ADCY10: variants seen among roughly 807,000 people sequenced by gnomAD.
ADCY10 encodes the protein adenylate cyclase 10.
Under a neutral mutation model 183.3 loss-of-function variants are expected in ADCY10, and 156 were observed. The ratio of observed to expected loss-of-function variants is 0.85; its 90% confidence interval spans 0.75 to 0.97. The LOEUF (loss-of-function observed/expected upper bound fraction) is 0.97. Among genes scored for constraint, ADCY10 ranks in the 50% least tolerant of loss-of-function variants. The pLI is 0.00. For missense variants in ADCY10, 1,745 were observed against 1,934.3 expected (o/e 0.90, Z 1.84); for synonymous variants, 645 against 670.0 (o/e 0.96, Z 0.58).
intron 29 of ADCY10, among the ~76,000 whole-genome samples, chr1:167,822,493 T>G (rs771940579): frequency 6.6e-5 from 10 of 152,290 alleles, no homozygotes; most frequent in Non-Finnish European, 1.3e-4. Flanking sequence ...CAAGATCACA[T>G]GTGGGGAAAA....
At chr1:167,895,319 C>CTT (rs771773398) in intron 7 of ADCY10, among the ~76,000 whole-genome samples, 2 of 152,078 alleles carry the variant, frequency 1.3e-5, no homozygotes, top group South Asian at 2.1e-4. Context: ...TGTCATGAGG[C>CTT]TTTCTCCTTC....
Position 167,836,214 on chromosome 1 carries a change from G to A in ADCY10, c.3309+95C>T, listed in dbSNP as rs879705297. 47 of 805,886 alleles carry A rather than the reference G, an allele frequency of 5.8e-5. 1 individual carries two copies. The highest frequency in any genetic ancestry group is 3.6e-4 in the Admixed American group (18 of 50,550). 49.9% of individuals were successfully genotyped at this position (805,886 alleles called of 1,614,324 possible). On this transcript the variant is annotated intron_variant, in intron 23 of 32. Coordinates refer to ENST00000367851, the MANE Select transcript of ADCY10 (RefSeq NM_018417.6). The stretch of plus-strand genomic sequence containing the variant: ...AGGGGTGCTGTCGGGAATATACAAC[G>A]TGAAGTAATCAGAAAGCATGCTGGA...
intron 1 of ADCY10, among the ~76,000 whole-genome samples, chr1:167,911,119 G>A (rs1006269863): frequency 2.0e-5 from 3 of 152,118 alleles, no homozygotes; most frequent in African/African-American, 2.4e-5. Context: ...GGCAATCACC[G>A]AAGGACAAAT....
At chr1:167,911,232 C>T (rs1338640052) in intron 1 of ADCY10, among the ~76,000 whole-genome samples, 2 of 152,234 alleles carry the variant, frequency 1.3e-5, no homozygotes, top group African/African-American at 4.8e-5. Flanking sequence ...GTAGAGGTTC[C>T]TCTTCAAAGA....
At chr1:167,848,888 C>T (rs1488678168) in intron 18 of ADCY10, among the ~76,000 whole-genome samples, 1 of 152,056 alleles carries the variant, frequency 6.6e-6, no homozygotes, top group Non-Finnish European at 1.5e-5. Context: ...GATCTGCCTG[C>T]CTCGGCCTCC....
intron 6 of ADCY10, among the ~76,000 whole-genome samples, chr1:167,897,532 G>T (rs1446432929): frequency 0.12 from 6 of 52 alleles, no homozygotes; most frequent in African/African-American, 0.18. Flanking sequence ...TATATATAGA[G>T]AGAGAGAGAG....
intron 21 of ADCY10, among the ~76,000 whole-genome samples, chr1:167,842,388 T>C (rs1401909691): frequency 1.3e-5 from 2 of 152,150 alleles, no homozygotes; most frequent in African/African-American, 4.8e-5. Context: ...GGCTTGAACC[T>C]GGCTTCAAGT....
chr1:167,880,136 T>A lies in ADCY10; in HGVS notation c.1195A>T (p.Thr399Ser), dbSNP rs777771367. The A allele has an allele frequency of 6.2e-7, 1 of 1,613,008 alleles. No homozygotes were observed. The highest frequency in any genetic ancestry group is 8.5e-7 in the Non-Finnish European group (1 of 1,179,700). Residue 399 changes from threonine to serine, a missense_variant, in exon 11 of 33, where the codon ACT (threonine) becomes TCT (serine). Coordinates refer to ENST00000367851, the MANE Select transcript of ADCY10 (RefSeq NM_018417.6). ...GIVFCGIVGH[T>S]VRHEYTVIGQ... Reference sequence around the variant, plus strand: ...ACACCTGTGTACTCGTGTCTCACAGTGTGTCCAACGATCCCACAGAAGACA... The same window carrying A: ...ACACCTGTGTACTCGTGTCTCACAGAGTGTCCAACGATCCCACAGAAGACA...
chr1:167,878,720 A>G (rs1239816265), intron 11 of ADCY10, 85 bp from the exon 12 acceptor site: 10 of 1,377,226 alleles, frequency 7.3e-6, no homozygotes, highest in Non-Finnish European at 1.0e-5. Flanking sequence ...CCCAAATAGC[A>G]TTTTTACCCT....
intron 28 of ADCY10, among the ~76,000 whole-genome samples, chr1:167,824,236 T>G (rs956338895): frequency 2.0e-5 from 3 of 152,044 alleles, no homozygotes; most frequent in Non-Finnish European, 4.4e-5. Flanking sequence ...GGCAGGAGAA[T>G]TGTCTAAACC....
At chr1:167,896,147 T>A (rs1212822269) in intron 7 of ADCY10, among the ~76,000 whole-genome samples, 1 of 151,972 alleles carries the variant, frequency 6.6e-6, no homozygotes, top group Non-Finnish European at 1.5e-5. Flanking sequence ...AAGCTAGGTG[T>A]CAGCGGTGCA....
At chr1:167,887,022 C>T (rs1266655707) in intron 8 of ADCY10, among the ~76,000 whole-genome samples, 1 of 152,104 alleles carries the variant, frequency 6.6e-6, no homozygotes, top group African/African-American at 2.4e-5. Context: ...GTTAGAATGG[C>T]AATCATTAAA....
In ADCY10 at chr1:167,833,004, T is replaced by C. The variant is rs1318672374; in HGVS notation, c.3576A>G (p.Gln1192=). ...TCCCTTACCCTGGAGGTGGGCTCTC[T>C]TGGGCCTGCCGATTCACATAATGAA... The part of the protein sequence containing the change: ...RHFHYVNRQA[Q]ESPPPGKKRL... The change falls in exon 25 of 33, where the codon CAA becomes CAG. Residue 1192 remains glutamine, a synonymous_variant. Transcript: ENST00000367851. 6 of 1,613,876 alleles carry C rather than the reference T, an allele frequency of 3.7e-6. No homozygotes were observed. Among genetic ancestry groups the C allele is most frequent in the Non-Finnish European group, 5.1e-6 (6 of 1,179,956 alleles).
At position 167,900,264 on chromosome 1, in the gene ADCY10, C is replaced by T. The variant is rs1029986267; in HGVS notation, c.437-636G>A. On this transcript the variant is annotated intron_variant, in intron 5 of 32. Coordinates refer to ENST00000367851, the MANE Select transcript of ADCY10 (RefSeq NM_018417.6). The stretch of plus-strand genomic sequence containing the variant: ...ACAATCAATGTTTATTTTTTATCTT[C>T]GCTCTCTGCTATACTGATTTGTCAG... Among the ~76,000 whole-genome samples the T allele has an allele frequency of 8.5e-5, 13 of 152,098 alleles. No homozygotes were observed. In the East Asian group the frequency reaches 1.5e-3, roughly 18 times the overall value.
intron 8 of ADCY10, among the ~76,000 whole-genome samples, chr1:167,893,486 G>T (rs1028014569): frequency 6.6e-6 from 1 of 152,028 alleles, no homozygotes; most frequent in Non-Finnish European, 1.5e-5. Context: ...GGTGAGGCGG[G>T]CAGATTTCTT....
At chr1:167,839,564 C>T (rs1229476539) in intron 21 of ADCY10, among the ~76,000 whole-genome samples, 1 of 152,172 alleles carries the variant, frequency 6.6e-6, no homozygotes, top group Non-Finnish European at 1.5e-5. Flanking sequence ...GCAGCCAATA[C>T]TCATTCTAAT....
intron 26 of ADCY10, among the ~76,000 whole-genome samples, chr1:167,828,713 G>A (rs1035348112): frequency 3.3e-5 from 5 of 152,178 alleles, no homozygotes; most frequent in African/African-American, 1.2e-4. Context: ...TGTAATCCCA[G>A]CACTTTGGAA....
Position 167,840,367 on chromosome 1 carries a change from A to ACTTTTTTT in ADCY10, c.3008-3050_3008-3049insAAAAAAAG, listed in dbSNP as rs1553265464. Among the ~76,000 whole-genome samples the ACTTTTTTT allele has an allele frequency of 6.8e-3, 996 of 147,500 alleles. 6 individuals carry two copies. The highest frequency in any genetic ancestry group is 0.024 in the African/African-American group (929 of 39,476). On this transcript the variant is annotated intron_variant, in intron 21 of 32. Coordinates refer to ENST00000367851, the MANE Select transcript of ADCY10 (RefSeq NM_018417.6). ...TTGGGTGAATCATATTATTATTACT[A>ACTTTTTTT]TTTTTTTTGGATGGAGTTTCACTCT...
At chr1:167,842,217 G>C (rs1001780985) in intron 21 of ADCY10, among the ~76,000 whole-genome samples, 3 of 152,020 alleles carry the variant, frequency 2.0e-5, no homozygotes, top group African/African-American at 4.8e-5. Flanking sequence ...ACGGCTCACT[G>C]CATCCTTGAA....
Sources: gnomAD v4.1 joint callset for allele counts (sites outside exome capture counted in the v4.1 genomes callset) on GRCh38, gnomAD v4.1.1 for gene constraint, MANE v1.5 for transcripts, NCBI Gene and HGNC (gene_info 2026-07-23, HGNC 2026-07-21) for gene names.